Variants in GPC5 observed in about 807,000 individuals in gnomAD.
GPC5 encodes the protein glypican 5, also known as glypican-5.
A neutral mutation model predicts 53.9 loss-of-function variants in GPC5; 47 were observed. The observed-to-expected ratio is 0.87, with a 90% CI of 0.69 to 1.11. The LOEUF is 1.11. Ranked by LOEUF, GPC5 falls within the 50% of genes most tolerant of loss-of-function variation. The pLI, the probability that GPC5 is intolerant of heterozygous loss-of-function variation, is 0.00. For synonymous variants in GPC5, 286 were observed against 263.3 expected (o/e 1.09, Z -0.84); for missense variants, 748 against 713.1 (o/e 1.05, Z -0.56).
At chr13:92,244,911 G>A (rs1320239775) in intron 7 of GPC5, among the ~76,000 whole-genome samples, 2 of 151,872 alleles carry the variant, frequency 1.3e-5, no homozygotes, top group Non-Finnish European at 2.9e-5. Flanking sequence ...GGTGGTGTGT[G>A]CCTGTAGTCC....
intron 7 of GPC5, among the ~76,000 whole-genome samples, chr13:92,799,753 T>C (rs1299258629): frequency 6.6e-6 from 1 of 151,810 alleles, no homozygotes; most frequent in African/African-American, 2.4e-5. Flanking sequence ...CACCTTTTTC[T>C]CTCCCTTCAC....
Position 92,220,232 on chromosome 13 carries a change from T to C in GPC5, c.1561+75243T>C, listed in dbSNP as rs143388319. On this transcript the variant is annotated intron_variant, in intron 7 of 7. Coordinates refer to ENST00000377067, the MANE Select transcript of GPC5 (RefSeq NM_004466.6). ...CACCAGCCTCTAGTGTAGCCACTCTTCTGGGTACTGGATATATAAGAGAAA... is the reference window on the plus strand; with the variant it reads ...CACCAGCCTCTAGTGTAGCCACTCTCCTGGGTACTGGATATATAAGAGAAA... Among the ~76,000 whole-genome samples the C allele has an allele frequency of 2.3e-3, 352 of 152,234 alleles. 1 individual carries two copies. The highest frequency in any genetic ancestry group is 8.1e-3 in the African/African-American group (335 of 41,520).
intron 7 of GPC5, among the ~76,000 whole-genome samples, chr13:92,431,914 G>C (rs1162025513): frequency 6.6e-6 from 1 of 152,170 alleles, no homozygotes; most frequent in African/African-American, 2.4e-5. Flanking sequence ...TGTAAGTAGT[G>C]CTGGCAGATT....
chr13:92,698,517 T>C (rs924673782), intron 7 of GPC5, among the ~76,000 whole-genome samples: 39 of 152,208 alleles, frequency 2.6e-4, no homozygotes, highest in Non-Finnish European at 5.1e-4. Flanking sequence ...TATGGCTGCA[T>C]AGTATTCCAT....
chr13:92,278,106 A>C (rs1000657568), intron 7 of GPC5, among the ~76,000 whole-genome samples: 4 of 151,974 alleles, frequency 2.6e-5, no homozygotes, highest in African/African-American at 9.6e-5. Flanking sequence ...ATTAGTTTTA[A>C]TTTTTAAACT....
intron 7 of GPC5, among the ~76,000 whole-genome samples, chr13:92,213,097 G>A (rs560402779): frequency 2.0e-5 from 3 of 152,236 alleles, no homozygotes; most frequent in African/African-American, 7.2e-5. Flanking sequence ...CAGAAGAAAG[G>A]GAGGAGATTT....
intron 2 of GPC5, among the ~76,000 whole-genome samples, chr13:91,514,702 A>G (rs950597856): frequency 6.6e-6 from 1 of 152,104 alleles, no homozygotes; most frequent in Non-Finnish European, 1.5e-5. Context: ...ACAATATTAT[A>G]CTTATCTCCT....
chr13:91,701,196 A>G (rs959709337), intron 3 of GPC5, among the ~76,000 whole-genome samples: 1 of 152,170 alleles, frequency 6.6e-6, no homozygotes, highest in African/African-American at 2.4e-5. Flanking sequence ...CCTCATGTAC[A>G]CATTTTTTTA....
At chr13:92,528,948 T>C (rs1881459280) in intron 7 of GPC5, among the ~76,000 whole-genome samples, 1 of 152,090 alleles carries the variant, frequency 6.6e-6, no homozygotes, top group African/African-American at 2.4e-5. Flanking sequence ...GAAAATCTAA[T>C]GAAGTAAATT....
chr13:92,397,312 C>G (rs1285549514), intron 7 of GPC5, among the ~76,000 whole-genome samples: 1 of 152,160 alleles, frequency 6.6e-6, no homozygotes, highest in Admixed American at 6.5e-5. Context: ...TAGTGAAGAC[C>G]TCTCATGAGA....
At chr13:92,348,857 A>T (rs1465395981) in intron 7 of GPC5, among the ~76,000 whole-genome samples, 1 of 152,200 alleles carries the variant, frequency 6.6e-6, no homozygotes, top group Non-Finnish European at 1.5e-5. Context: ...ACAATAATTT[A>T]AAAATATCTT....
At chr13:91,623,613 C>G (rs751069013) in intron 2 of GPC5, among the ~76,000 whole-genome samples, 3 of 152,060 alleles carry the variant, frequency 2.0e-5, no homozygotes, top group Non-Finnish European at 2.9e-5. Context: ...AACAGGCAGT[C>G]TCTAAATGGC....
intron 7 of GPC5, among the ~76,000 whole-genome samples, chr13:92,302,777 A>T (rs2043084337): frequency 6.6e-6 from 1 of 152,152 alleles, no homozygotes. Flanking sequence ...TTCCCTGGGG[A>T]GTTATTTGCA....
chr13:92,140,858 G>T (rs965453905), intron 6 of GPC5, among the ~76,000 whole-genome samples: 2 of 152,150 alleles, frequency 1.3e-5, no homozygotes, highest in African/African-American at 4.8e-5. Flanking sequence ...ACTTCCAGTT[G>T]CTGCTTAGAG....
intron 5 of GPC5, among the ~76,000 whole-genome samples, chr13:91,829,344 A>T (rs1004244531): frequency 6.6e-6 from 1 of 152,130 alleles, no homozygotes; most frequent in Non-Finnish European, 1.5e-5. Flanking sequence ...ATATGACAGT[A>T]TGGCAACTAA....
chr13:91,548,697 T>A (rs556483878), intron 2 of GPC5, among the ~76,000 whole-genome samples: 1 of 152,164 alleles, frequency 6.6e-6, no homozygotes, highest in Non-Finnish European at 1.5e-5. Context: ...CTACCTGACC[T>A]CAAGACTTTC....
At chr13:92,033,902 C>A (rs914455879) in intron 6 of GPC5, among the ~76,000 whole-genome samples, 1 of 152,122 alleles carries the variant, frequency 6.6e-6, no homozygotes, top group Non-Finnish European at 1.5e-5. Context: ...ATAGTTGTGA[C>A]CACCGGCCTT....
intron 7 of GPC5, among the ~76,000 whole-genome samples, chr13:92,171,448 C>T (rs1317504589): frequency 6.6e-6 from 1 of 152,180 alleles, no homozygotes; most frequent in African/African-American, 2.4e-5. Flanking sequence ...TATCCTATCA[C>T]AGCCACACAC....
At chr13:91,770,089 A>G (rs1454240933) in intron 5 of GPC5, among the ~76,000 whole-genome samples, 1 of 152,126 alleles carries the variant, frequency 6.6e-6, no homozygotes, top group Non-Finnish European at 1.5e-5. Context: ...ATTTGCTAGA[A>G]TGGCTCACAG....
Sources: allele counts gnomAD v4.1 joint callset (sites outside exome capture counted in the v4.1 genomes callset), GRCh38; gene constraint gnomAD v4.1.1; transcripts MANE v1.5; gene names NCBI Gene and HGNC (gene_info 2026-07-23, HGNC 2026-07-21).